PPFIA2: variants seen among roughly 807,000 people sequenced by gnomAD.
The protein encoded by PPFIA2 is PPFI scaffold protein A2.
PPFIA2 carries 46 observed loss-of-function variants against 175.5 expected under a neutral mutation model. That is an observed-to-expected ratio of 0.26 (90% CI 0.21 to 0.34). The LOEUF is 0.34. Among genes scored for constraint, PPFIA2 ranks in the 10% least tolerant of loss-of-function variants. PPFIA2 has a pLI of 1.00. For synonymous variants in PPFIA2, 568 were observed against 511.4 expected (o/e 1.11, Z -1.49); for missense variants, 1,179 against 1,506.1 (o/e 0.78, Z 3.60).
At chr12:81,446,179 T>G (rs533730874) in intron 5 of PPFIA2, among the ~76,000 whole-genome samples, 4 of 152,370 alleles carry the variant, frequency 2.6e-5, no homozygotes, top group Middle Eastern at 6.8e-3. Context: ...TTACTTTAAC[T>G]TAATCACATG....
chr12:81,679,050 T>C (rs2073116505), intron 3 of PPFIA2, among the ~76,000 whole-genome samples: 1 of 151,898 alleles, frequency 6.6e-6, no homozygotes, highest in East Asian at 1.9e-4. Context: ...AACACATGTA[T>C]AAATTGACAA....
intron 4 of PPFIA2, among the ~76,000 whole-genome samples, chr12:81,572,533 C>T (rs1174034665): frequency 6.6e-6 from 1 of 151,970 alleles, no homozygotes; most frequent in Non-Finnish European, 1.5e-5. Context: ...ACAGTGCCTA[C>T]CACATATCAC....
At chr12:81,501,036 A>G (rs942858876) in intron 4 of PPFIA2, among the ~76,000 whole-genome samples, 2 of 152,206 alleles carry the variant, frequency 1.3e-5, no homozygotes, top group African/African-American at 4.8e-5. Context: ...AAGTCCAATC[A>G]GCCCTACTGT....
intron 4 of PPFIA2, among the ~76,000 whole-genome samples, chr12:81,659,995 T>C (rs576957070): frequency 1.6e-4 from 24 of 152,078 alleles, no homozygotes; most frequent in African/African-American, 5.1e-4. Context: ...TCCTGACTGT[T>C]AGAAGGAAAA....
At chr12:81,693,543 A>G (rs2075513646) in intron 3 of PPFIA2, among the ~76,000 whole-genome samples, 1 of 152,112 alleles carries the variant, frequency 6.6e-6, no homozygotes, top group South Asian at 2.1e-4. Flanking sequence ...CTGTAAGCCA[A>G]TTTAAATTAC....
intron 4 of PPFIA2, among the ~76,000 whole-genome samples, chr12:81,516,304 G>A (rs1392059601): frequency 6.6e-6 from 1 of 152,042 alleles, no homozygotes; most frequent in South Asian, 2.1e-4. Context: ...AATATATAAT[G>A]TTCCTGTCTT....
chr12:81,758,468 G>C lies in PPFIA2; in HGVS notation c.-71C>G, dbSNP rs543958227. 4.6e-5 allele frequency: 21 copies of C among 456,566 alleles called. No homozygotes were observed. The East Asian group carries it at 1.3e-3, about 29-fold the overall frequency. 28.3% of individuals were successfully genotyped at this position (456,566 alleles called of 1,614,324 possible). ...TGACAACCGCAGTCTCCGGCTTGAG[G>C]AGAAGGGAGGCTCACACCCAGCACT... On this transcript the variant is annotated 5_prime_UTR_variant, in exon 2 of 33. Transcript: ENST00000549396.
intron 3 of PPFIA2, among the ~76,000 whole-genome samples, chr12:81,724,948 AGTGTATAATAG>A (rs2079856754): frequency 6.6e-6 from 1 of 151,076 alleles, no homozygotes; most frequent in South Asian, 2.1e-4. Context: ...TCCCATGAAC[AGTGTATAATAG>A]GTCCTTTTTC....
intron 4 of PPFIA2, among the ~76,000 whole-genome samples, chr12:81,491,496 C>T (rs1478780237): frequency 6.6e-6 from 1 of 151,778 alleles, no homozygotes; most frequent in Admixed American, 6.6e-5. Context: ...AAGCCCTAAG[C>T]CCGATTTGAT....
At chr12:81,633,182 T>C (rs1178270784) in intron 4 of PPFIA2, among the ~76,000 whole-genome samples, 5 of 152,218 alleles carry the variant, frequency 3.3e-5, no homozygotes, top group Middle Eastern at 6.8e-3. Flanking sequence ...TACAATGTCC[T>C]TCCACCTTAA....
chr12:81,369,675 A>T (rs2034556150), intron 11 of PPFIA2, among the ~76,000 whole-genome samples: 1 of 151,796 alleles, frequency 6.6e-6, no homozygotes, highest in Non-Finnish European at 1.5e-5. Flanking sequence ...ACATATTGAT[A>T]ATCATCAGAT....
At chr12:81,572,880 G>T (rs1440478411) in intron 4 of PPFIA2, among the ~76,000 whole-genome samples, 1 of 151,918 alleles carries the variant, frequency 6.6e-6, no homozygotes, top group Non-Finnish European at 1.5e-5. Context: ...ATGGAAGTAT[G>T]TCAAAGGACA....
At chr12:81,602,947 C>T (rs1175272283) in intron 4 of PPFIA2, among the ~76,000 whole-genome samples, 3 of 151,778 alleles carry the variant, frequency 2.0e-5, no homozygotes, top group Non-Finnish European at 4.4e-5. Context: ...TCCCTGCAAT[C>T]AAATACGTTT....
intron 8 of PPFIA2, among the ~76,000 whole-genome samples, chr12:81,386,478 C>T (rs1763015727): frequency 2.0e-5 from 3 of 151,330 alleles, no homozygotes; most frequent in Admixed American, 1.3e-4. Flanking sequence ...GAAAATTAGC[C>T]AGGTGTTGTG....
At chr12:81,583,727 G>A (rs1191993399) in intron 4 of PPFIA2, among the ~76,000 whole-genome samples, 1 of 151,768 alleles carries the variant, frequency 6.6e-6, no homozygotes, top group Non-Finnish European at 1.5e-5. Context: ...TGGAGACAGG[G>A]AATGGCATCC....
At chr12:81,528,347 T>C (rs553324356) in intron 4 of PPFIA2, among the ~76,000 whole-genome samples, 1 of 152,210 alleles carries the variant, frequency 6.6e-6, no homozygotes, top group South Asian at 2.1e-4. Flanking sequence ...GAATTCCATG[T>C]TCCAGAATAG....
At chr12:81,426,485 T>C (rs572837942) in intron 7 of PPFIA2, among the ~76,000 whole-genome samples, 112 of 152,322 alleles carry the variant, frequency 7.4e-4, no homozygotes, top group Non-Finnish European at 1.3e-3. Flanking sequence ...GGAGGTCCTA[T>C]GGAGGACTGT....
chr12:81,282,942 T>C (rs1394255537), intron 26 of PPFIA2, 68 bp downstream of exon 26: 2 of 1,389,238 alleles, frequency 1.4e-6, no homozygotes, highest in Non-Finnish European at 2.0e-6. Flanking sequence ...CTTATGACAG[T>C]TTCTTGATTT....
chr12:81,357,851 A>G (rs2061075527), intron 16 of PPFIA2, among the ~76,000 whole-genome samples: 2 of 152,200 alleles, frequency 1.3e-5, no homozygotes, highest in Non-Finnish European at 2.9e-5. Flanking sequence ...GTATACAAGT[A>G]GTACCCACTT....
Sources: gnomAD v4.1 joint callset for allele counts (sites outside exome capture counted in the v4.1 genomes callset) on GRCh38, gnomAD v4.1.1 for gene constraint, MANE v1.5 for transcripts, NCBI Gene and HGNC (gene_info 2026-07-23, HGNC 2026-07-21) for gene names.